Variants in SOX5 observed in about 807,000 individuals in gnomAD.
SOX5 encodes SRY-box transcription factor 5, also known as transcription factor SOX-5.
SOX5 carries 9 observed loss-of-function variants against 92.0 expected under a neutral mutation model. The ratio of observed to expected loss-of-function variants is 0.10; its 90% CI spans 0.06 to 0.17. The LOEUF (loss-of-function observed/expected upper bound fraction) is 0.17, where lower values mean the gene tolerates loss of function less well. Ranked by LOEUF, SOX5 falls within the 10% of genes least tolerant of loss-of-function variation. SOX5 has a pLI of 1.00. For synonymous variants in SOX5, 344 were observed against 336.3 expected, an observed-to-expected ratio of 1.02 and a Z score of -0.25; for missense variants, 642 against 944.5, an observed-to-expected ratio of 0.68 and a Z score of 4.20.
At chr12:24,156,271 A>C (rs1403159979) in intron 4 of SOX5, among the ~76,000 whole-genome samples, 1 of 152,154 alleles carries the variant, frequency 6.6e-6, no homozygotes, top group Non-Finnish European at 1.5e-5. Flanking sequence ...AGCTCCCCTC[A>C]AGACTACATC....
chr12:23,550,481 T>C (rs892469841), intron 11 of SOX5, among the ~76,000 whole-genome samples: 1 of 151,844 alleles, frequency 6.6e-6, no homozygotes, highest in Non-Finnish European at 1.5e-5. Flanking sequence ...GTGGGGAAAA[T>C]TGAAAAGACA....
At chr12:24,414,154 A>T (rs61910378) in intron 1 of SOX5, among the ~76,000 whole-genome samples, 1 of 152,120 alleles carries the variant, frequency 6.6e-6, no homozygotes, top group African/African-American at 2.4e-5. Context: ...CAAATCCATT[A>T]ATTTTTTTTC....
chr12:23,928,123 G>A (rs919057114), intron 1 of SOX5, among the ~76,000 whole-genome samples: 2 of 151,980 alleles, frequency 1.3e-5, no homozygotes, highest in Non-Finnish European at 2.9e-5. Flanking sequence ...GAGAAATAAG[G>A]TAACAAAACC....
intron 3 of SOX5, among the ~76,000 whole-genome samples, chr12:23,769,434 G>C (rs1473576616): frequency 6.6e-6 from 1 of 151,670 alleles, no homozygotes; most frequent in East Asian, 1.9e-4. Flanking sequence ...TTCTCTATGG[G>C]GCTACTACCA....
At chr12:23,949,747 TC>T (rs1945252192), upstream of SOX5, 2 of 938,234 alleles carry the variant, frequency 2.1e-6, no homozygotes, top group East Asian at 2.9e-5. Flanking sequence ...TCTCTCTCTC[TC>T]TCTCCCTCTC....
chr12:24,110,862 C>T (rs1186298795), intron 4 of SOX5, among the ~76,000 whole-genome samples: 1 of 126,558 alleles, frequency 7.9e-6, no homozygotes, highest in Non-Finnish European at 1.6e-5. Flanking sequence ...GATCGTGCCA[C>T]TGTACTCCAG....
At chr12:24,113,255 TAAA>T (rs10717747) in intron 4 of SOX5, among the ~76,000 whole-genome samples, 4 of 118,144 alleles carry the variant, frequency 3.4e-5, no homozygotes, top group Non-Finnish European at 5.2e-5. Context: ...TGTAGAATCA[TAAA>T]AAAAAAAAAA....
At chr12:24,472,984 C>A (rs752712316) in intron 1 of SOX5, among the ~76,000 whole-genome samples, 12 of 151,930 alleles carry the variant, frequency 7.9e-5, no homozygotes, top group Non-Finnish European at 1.3e-4. Flanking sequence ...ATTTAAAAAT[C>A]ATTTATCTGA....
intron 4 of SOX5, among the ~76,000 whole-genome samples, chr12:24,156,125 C>G (rs778620950): frequency 2.6e-5 from 4 of 152,062 alleles, no homozygotes; most frequent in African/African-American, 9.7e-5. Context: ...GAACATGGAG[C>G]GGGAAGTGCC....
chr12:24,298,137 G>C (rs747158988), intron 2 of SOX5, among the ~76,000 whole-genome samples: 1 of 152,236 alleles, frequency 6.6e-6, no homozygotes, highest in East Asian at 1.9e-4. Context: ...CAGTGGCATA[G>C]TCTTGGCTCA....
At chr12:24,462,675 C>A (rs1233656612) in intron 1 of SOX5, among the ~76,000 whole-genome samples, 9 of 152,150 alleles carry the variant, frequency 5.9e-5, no homozygotes, top group Non-Finnish European at 5.9e-5. Flanking sequence ...GAACACCCTG[C>A]AATTTGCTTT....
chr12:24,199,195 C>T (rs569766957), intron 4 of SOX5, among the ~76,000 whole-genome samples: 1 of 152,224 alleles, frequency 6.6e-6, no homozygotes, highest in African/African-American at 2.4e-5. Context: ...GATGGATGCC[C>T]ATGATTAAAG....
intron 4 of SOX5, among the ~76,000 whole-genome samples, chr12:23,965,772 C>T (rs565921403): frequency 2.0e-5 from 3 of 152,182 alleles, no homozygotes; most frequent in Admixed American, 6.6e-5. Flanking sequence ...GCGTGCACCA[C>T]CATGCCTGGC....
rs770947368 is a variant in SOX5 at position 23,896,008 on chromosome 12, G to C, written c.55C>G (p.Pro19Ala). The C allele has an allele frequency of 6.8e-6, 11 of 1,613,256 alleles. No homozygotes were observed. Among genetic ancestry groups the C allele is most frequent in the Non-Finnish European group, 9.3e-6 (11 of 1,179,274 alleles). The change falls in exon 2 of 15, where the codon CCA becomes GCA. Residue 19 changes from proline to alanine, a missense_variant. Pro to Ala is a conservative substitution (Grantham distance 27, BLOSUM62 -1). Transcript: ENST00000451604. ...QEFERMSSKR[P>A]ASPYGEADGE... is the part of the protein sequence containing the mutation. Reference sequence around the variant, plus strand: ...TCTGCTTCCCCATACGGAGAGGCTGGTCGCTTGGAAGACATCCTGGAAGGA... The same window carrying C: ...TCTGCTTCCCCATACGGAGAGGCTGCTCGCTTGGAAGACATCCTGGAAGGA...
rs149604210 is a variant in SOX5, at chr12:24,507,413, C to T, written c.-251+54916G>A. Among the ~76,000 whole-genome samples, 960 of 149,990 alleles carry T rather than the reference C, an allele frequency of 6.4e-3. 6 individuals are homozygous for T. Among genetic ancestry groups the T allele is most frequent in the Non-Finnish European group, 8.8e-3 (597 of 67,530 alleles). On this transcript the variant is annotated intron_variant, in intron 1 of 4. Coordinates refer to the SOX5 transcript ENST00000446891. The stretch of plus-strand genomic sequence containing the variant: ...GATAGAGAAACAAGTTAAATGACAC[C>T]ACAAGGAGACAAATACAGATTATGG...
At chr12:23,915,361 T>C (rs1329834620) in intron 1 of SOX5, among the ~76,000 whole-genome samples, 1 of 152,172 alleles carries the variant, frequency 6.6e-6, no homozygotes, top group Non-Finnish European at 1.5e-5. Flanking sequence ...GTGTTTAATA[T>C]ACTTGGACCT....
chr12:24,516,168 G>A (rs2970418), intron 1 of SOX5, among the ~76,000 whole-genome samples: 99,815 of 151,482 alleles, frequency 0.66, 34,104 homozygotes, highest in East Asian at 0.98. Flanking sequence ...TCAACCTCCC[G>A]GGTACTTAGG....
At chr12:23,752,399 C>CAGATATTTG (rs2094208638) in intron 4 of SOX5, among the ~76,000 whole-genome samples, 1 of 151,828 alleles carries the variant, frequency 6.6e-6, no homozygotes, top group South Asian at 2.1e-4. Flanking sequence ...ATTTTGCATG[C>CAGATATTTG]AGATATTTGT....
chr12:24,280,145 ACCCT>A (rs1944987098), intron 2 of SOX5, among the ~76,000 whole-genome samples: 1 of 152,082 alleles, frequency 6.6e-6, no homozygotes, highest in African/African-American at 2.4e-5. Context: ...TCCTATTTAC[ACCCT>A]CTACTTTAAA....
Sources: allele counts gnomAD v4.1 joint callset (sites outside exome capture counted in the v4.1 genomes callset), GRCh38; gene constraint gnomAD v4.1.1; transcripts MANE v1.5; gene names NCBI Gene and HGNC (gene_info 2026-07-23, HGNC 2026-07-21).